NNT: variants seen among roughly 807,000 people sequenced by gnomAD.
NNT encodes the protein nicotinamide nucleotide transhydrogenase.
NNT carries 50 observed loss-of-function variants against 104.8 expected under a neutral mutation model. The ratio of observed to expected loss-of-function variants is 0.48; its 90% CI spans 0.38 to 0.60. The LOEUF (loss-of-function observed/expected upper bound fraction) is 0.60, where lower values mean the gene tolerates loss of function less well. Among genes scored for constraint, NNT ranks in the 20% least tolerant of loss-of-function variants. NNT has a pLI of 0.00. For missense variants in NNT, 1,131 were observed against 1,330.7 expected (o/e 0.85, Z 2.33); for synonymous variants, 461 against 490.4 (o/e 0.94, Z 0.79).
At chr5:43,627,124 C>T (rs1177364580) in intron 6 of NNT, among the ~76,000 whole-genome samples, 1 of 152,180 alleles carries the variant, frequency 6.6e-6, no homozygotes, top group Non-Finnish European at 1.5e-5. Flanking sequence ...TGTCACTCCT[C>T]TCTGCTGTCC....
chr5:43,669,512 G>T (rs1015553571), intron 17 of NNT, among the ~76,000 whole-genome samples: 35 of 152,070 alleles, frequency 2.3e-4, no homozygotes, highest in Non-Finnish European at 4.4e-4. Context: ...TTTTGTCAAA[G>T]GCCTTTTCTG....
chr5:43,621,457 C>A (rs1030626438), intron 5 of NNT, among the ~76,000 whole-genome samples: 3 of 152,224 alleles, frequency 2.0e-5, no homozygotes, highest in Admixed American at 1.3e-4. Context: ...ATGAACAAGA[C>A]AAAATTCCTG....
At chr5:43,691,177 G>T (rs1173389514) in intron 19 of NNT, among the ~76,000 whole-genome samples, 1 of 151,760 alleles carries the variant, frequency 6.6e-6, no homozygotes, top group Non-Finnish European at 1.5e-5. Flanking sequence ...TTGGCTCACT[G>T]CAACCTCCGC....
At chr5:43,645,336 C>T (rs1337500258) in intron 9 of NNT, 21 bp from the exon 10 acceptor site, 1 of 1,416,348 alleles carries the variant, frequency 7.1e-7, no homozygotes, top group Non-Finnish European at 9.3e-7. Context: ...TTAATACGTA[C>T]TATTTTTTAA....
Position 43,704,666 on chromosome 5 carries a change from A to G in NNT, c.*262A>G. Reference sequence around the variant, plus strand: ...AATCAAAAGTATTTTATAAAAGGAGAAAGAACAGCCTCATTTTAGATGTAG... The same window carrying G: ...AATCAAAAGTATTTTATAAAAGGAGGAAGAACAGCCTCATTTTAGATGTAG... On this transcript the variant is annotated 3_prime_UTR_variant, in exon 22 of 22. Coordinates refer to ENST00000344920, the MANE Select transcript of NNT (RefSeq NM_182977.3). The G allele has an allele frequency of 8.5e-6, 3 of 354,422 alleles. No individual in the cohort carries two copies. In the South Asian group the frequency reaches 1.0e-4, roughly 12 times the overall value. The allele number at this position is 354,422 out of a possible 1,614,324, so 22.0% of individuals were successfully genotyped here.
intron 6 of NNT, among the ~76,000 whole-genome samples, chr5:43,625,615 T>G (rs944081107): frequency 6.6e-6 from 1 of 152,118 alleles, no homozygotes; most frequent in African/African-American, 2.4e-5. Flanking sequence ...TCCTAAAAAC[T>G]TACAGACAGC....
Position 43,651,803 on chromosome 5 carries a change from C to A in NNT, c.1782C>A (p.Tyr594Ter). Residue 594 changes from tyrosine to a stop codon, truncating the protein, a stop_gained, in exon 13 of 22, where the codon TAC (tyrosine) becomes TAA (stop). Transcript: ENST00000344920. LOFTEE classifies it high-confidence loss of function. ...MFKRPTDPPE[Y>*]NYLYLLPAGT... is the part of the protein sequence containing the mutation. ...AGCGTCCCACTGACCCCCCAGAATACAACTACCTGTACCTGCTCCCTGCCG... is the reference window on the plus strand; with the variant it reads ...AGCGTCCCACTGACCCCCCAGAATAAAACTACCTGTACCTGCTCCCTGCCG... 6.2e-7 allele frequency: 1 copy of A among 1,614,134 alleles called. No homozygotes were observed. Among genetic ancestry groups the A allele is most frequent in the South Asian group, 1.1e-5 (1 of 91,076 alleles).
chr5:43,640,578 G>T (rs1029565835), intron 7 of NNT, among the ~76,000 whole-genome samples: 5 of 151,828 alleles, frequency 3.3e-5, no homozygotes, highest in Admixed American at 1.3e-4. Context: ...ATGATATGTG[G>T]TTTTTTTGGA....
chr5:43,694,647 A>G (rs1216627178), intron 19 of NNT, among the ~76,000 whole-genome samples: 2 of 151,778 alleles, frequency 1.3e-5, no homozygotes, highest in African/African-American at 4.8e-5. Context: ...ATTGTGGTGT[A>G]TTAGCTTTTT....
At chr5:43,669,791 C>G (rs1223083464) in intron 17 of NNT, among the ~76,000 whole-genome samples, 1 of 152,174 alleles carries the variant, frequency 6.6e-6, no homozygotes, top group Non-Finnish European at 1.5e-5. Flanking sequence ...TGATGCTGGC[C>G]TCATAAAATG....
intron 19 of NNT, among the ~76,000 whole-genome samples, chr5:43,681,739 T>C (rs934485420): frequency 1.3e-5 from 2 of 152,194 alleles, no homozygotes; most frequent in Non-Finnish European, 2.9e-5. Flanking sequence ...ATGTATTGCT[T>C]TCATGTTAAT....
rs779692296 is a variant in NNT, at chr5:43,695,004, A to G, written c.2877-5115A>G. On this transcript the variant is annotated intron_variant, in intron 19 of 21. Transcript: ENST00000344920. ...CTTTATTGACCTGTTCAGGGAATCA[A>G]TTTCTTCCTGGTTCAGTCTTGGGAC... 1.5e-4 allele frequency among the ~76,000 whole-genome samples: 23 copies of G among 152,246 alleles called. No homozygotes were observed. The East Asian group carries it at 2.3e-3, about 15-fold the overall frequency.
chr5:43,698,506 C>A (rs1382760619), intron 19 of NNT, among the ~76,000 whole-genome samples: 8 of 151,838 alleles, frequency 5.3e-5, no homozygotes, highest in Non-Finnish European at 1.0e-4. Context: ...CTGCCTTGGG[C>A]AAATAATTAT....
intron 4 of NNT, among the ~76,000 whole-genome samples, chr5:43,618,438 C>T (rs889120768): frequency 2.6e-5 from 4 of 152,150 alleles, no homozygotes; most frequent in Admixed American, 2.6e-4. Flanking sequence ...AGTGTTTCTT[C>T]TGTTCTCCGA....
intron 17 of NNT, among the ~76,000 whole-genome samples, chr5:43,672,032 T>C (rs1464030354): frequency 3.3e-5 from 5 of 152,214 alleles, no homozygotes; most frequent in African/African-American, 1.2e-4. Context: ...ATTTCATTCA[T>C]TCGATCTTCA....
At chr5:43,649,466 G>A (rs1580040405) in intron 11 of NNT, among the ~76,000 whole-genome samples, 158 bp downstream of exon 11, 1 of 135,252 alleles carries the variant, frequency 7.4e-6, no homozygotes, top group Non-Finnish European at 1.5e-5. Context: ...GACTCTGAGA[G>A]GGTATGGGAT....
chr5:43,662,407 A>G (rs1366164031), intron 17 of NNT, among the ~76,000 whole-genome samples: 3 of 151,846 alleles, frequency 2.0e-5, no homozygotes, highest in Non-Finnish European at 4.4e-5. Context: ...TGTTTTCTCT[A>G]GGTCTTCTAT....
At chr5:43,663,388 T>C (rs1435232590) in intron 17 of NNT, among the ~76,000 whole-genome samples, 1 of 152,226 alleles carries the variant, frequency 6.6e-6, no homozygotes, top group Non-Finnish European at 1.5e-5. Context: ...GCAATGTGTT[T>C]GTCTTACTGT....
Position 43,696,946 on chromosome 5 carries a change from G to A in NNT, c.2877-3173G>A, listed in dbSNP as rs142506706. Among the ~76,000 whole-genome samples the A allele has an allele frequency of 1.7e-4, 26 of 152,248 alleles. No homozygotes were observed. In the East Asian group the frequency reaches 4.6e-3, roughly 27 times the overall value. ...TAAACTTCTGGGCCTATAATGGGAG[G>A]GCCTGTTGCAAAGGTCGCTGACATG... On this transcript the variant is annotated intron_variant, in intron 19 of 21. Transcript: ENST00000344920.
Sources: gnomAD v4.1 joint callset for allele counts (sites outside exome capture counted in the v4.1 genomes callset) on GRCh38, gnomAD v4.1.1 for gene constraint, MANE v1.5 for transcripts, NCBI Gene and HGNC (gene_info 2026-07-23, HGNC 2026-07-21) for gene names.